MTNAP1: variants seen among roughly 807,000 people sequenced by gnomAD.
MTNAP1 encodes the protein mitochondrial nucleoid-associated protein 1.
chr17:73,236,532 AC>A, the MTNAP1 span: 3 of 1,614,210 alleles, frequency 1.9e-6, no homozygotes, highest in East Asian at 6.7e-5. Context: ...AAGGGGAAAG[AC>A]CACATTTAAG....
At chr17:73,235,894 G>A in the MTNAP1 span, 2 of 1,613,948 alleles carry the variant, frequency 1.2e-6, no homozygotes, top group African/African-American at 1.3e-5. Flanking sequence ...AGAAACCAAG[G>A]CTCAGTTTTA....
chr17:73,232,703 T>G, the MTNAP1 span: 1 of 187,244 alleles, frequency 5.3e-6, no homozygotes, highest in African/African-American at 2.3e-5. Context: ...CGCCTGGGCT[T>G]TCAGGTCTTC....
At chr17:73,243,541 A>G in the MTNAP1 span, among the ~76,000 whole-genome samples, 3 of 134,596 alleles carry the variant, frequency 2.2e-5, no homozygotes, top group African/African-American at 5.5e-5. Flanking sequence ...CCTCCATTTC[A>G]TGTTGTCTTT....
At chr17:73,238,769 A>G in the MTNAP1 span, among the ~76,000 whole-genome samples, 2 of 152,220 alleles carry the variant, frequency 1.3e-5, no homozygotes, top group Non-Finnish European at 2.9e-5. Flanking sequence ...CACAGAGAGC[A>G]TAAGTGATTT....
the MTNAP1 span, chr17:73,236,695 G>C: frequency 3.1e-6 from 5 of 1,614,150 alleles, no homozygotes; most frequent in Non-Finnish European, 4.2e-6. Flanking sequence ...GGCATTAATG[G>C]AGAGTCCCGA....
At chr17:73,246,628 C>T in the MTNAP1 span, among the ~76,000 whole-genome samples, 1 of 152,310 alleles carries the variant, frequency 6.6e-6, no homozygotes, top group South Asian at 2.1e-4. Flanking sequence ...AATGCTGGGG[C>T]TACTTTTTAC....
At chr17:73,235,518 T>G in the MTNAP1 span, 1 of 1,613,842 alleles carries the variant, frequency 6.2e-7, no homozygotes, top group Non-Finnish European at 8.5e-7. Flanking sequence ...AAGTGTGTCC[T>G]TACTGTAAGA....
the MTNAP1 span, chr17:73,242,956 T>A: frequency 6.2e-7 from 1 of 1,614,106 alleles, no homozygotes; most frequent in Non-Finnish European, 8.5e-7. Flanking sequence ...ACGATGCTCT[T>A]CACAGGATAC....
the MTNAP1 span, among the ~76,000 whole-genome samples, chr17:73,234,696 A>AAAG: frequency 6.6e-6 from 1 of 151,760 alleles, no homozygotes; most frequent in East Asian, 1.9e-4. Context: ...AAAAAAAAAA[A>AAAG]AAAGTATAAG....
At chr17:73,235,659 C>G in the MTNAP1 span, 4 of 1,614,058 alleles carry the variant, frequency 2.5e-6, no homozygotes, top group Non-Finnish European at 3.4e-6. Context: ...AAGGACCAAT[C>G]AAAGATTTAA....
the MTNAP1 span, chr17:73,236,764 T>TG: frequency 6.2e-7 from 1 of 1,614,118 alleles, no homozygotes. Context: ...ACACACTGGG[T>TG]GCCAGAGCCC....
the MTNAP1 span, chr17:73,237,017 T>G: frequency 6.6e-7 from 1 of 1,521,828 alleles, no homozygotes; most frequent in Non-Finnish European, 8.8e-7. Context: ...TATTTTCAAT[T>G]GCCATCTGTC....
At chr17:73,242,205 T>A in the MTNAP1 span, 5 of 1,400,162 alleles carry the variant, frequency 3.6e-6, no homozygotes, top group South Asian at 6.1e-5. Flanking sequence ...GGGGTACGTT[T>A]CGGTAAACAA....
the MTNAP1 span, among the ~76,000 whole-genome samples, chr17:73,241,727 C>G: frequency 1.3e-5 from 2 of 152,124 alleles, 1 homozygote. Context: ...GTCAGGAGTT[C>G]AAGACCAGCC....
the MTNAP1 span, among the ~76,000 whole-genome samples, chr17:73,233,679 C>T: frequency 6.6e-6 from 1 of 152,208 alleles, no homozygotes; most frequent in Non-Finnish European, 1.5e-5. Context: ...GCCTGGCCAA[C>T]ATGGTGAAAC....
chr17:73,239,458 G>T, the MTNAP1 span, among the ~76,000 whole-genome samples: 6 of 151,770 alleles, frequency 4.0e-5, no homozygotes, highest in Non-Finnish European at 5.9e-5. Context: ...CCTCATAACA[G>T]CTCTGAGTGA....
the MTNAP1 span, chr17:73,236,742 G>T: frequency 6.2e-7 from 1 of 1,613,854 alleles, no homozygotes; most frequent in Non-Finnish European, 8.5e-7. Context: ...CTGATAGTCA[G>T]TTCCAAGCAT....
chr17:73,242,502 T>G, the MTNAP1 span: 1 of 534,114 alleles, frequency 1.9e-6, no homozygotes, highest in Non-Finnish European at 3.2e-6. Flanking sequence ...CTGTGTTCAT[T>G]TTGGAGTTGG....
the MTNAP1 span, among the ~76,000 whole-genome samples, chr17:73,241,259 G>A: frequency 1.3e-5 from 2 of 152,138 alleles, no homozygotes; most frequent in African/African-American, 2.4e-5. Flanking sequence ...CTGGGTTCAC[G>A]CCATTCTCCT....
Sources: gnomAD v4.1 joint callset for allele counts (sites outside exome capture counted in the v4.1 genomes callset) on GRCh38, gnomAD v4.1.1 for gene constraint, MANE v1.5 for transcripts, NCBI Gene and HGNC (gene_info 2026-07-23, HGNC 2026-07-21) for gene names.